Variants in ZNF540 observed in about 807,000 individuals in gnomAD.
ZNF540 encodes CTD-3064H18.6.
A neutral mutation model predicts 11.8 loss-of-function variants in ZNF540; 3 were observed. The observed-to-expected ratio is 0.25, with a 90% CI of 0.12 to 0.65. The LOEUF (loss-of-function observed/expected upper bound fraction) is 0.65, where lower values mean the gene tolerates loss of function less well. Among genes scored for constraint, ZNF540 ranks in the 30% least tolerant of loss-of-function variants. ZNF540 has a pLI of 0.83. For missense variants in ZNF540, 709 were observed against 793.1 expected, an observed-to-expected ratio of 0.89 and a Z score of 1.27; for synonymous variants, 247 against 259.0, an observed-to-expected ratio of 0.95 and a Z score of 0.45.
chr19:37,584,280 T>C, intron 1 of ZNF540: 1 of 672,942 alleles, frequency 1.5e-6, no homozygotes, highest in Admixed American at 3.1e-5. Context: ...ACTTCCTCTG[T>C]ACAATAGAAC....
chr19:37,585,863 G>A (rs998309872), intron 1 of ZNF540: 1 of 152,098 alleles, frequency 6.6e-6, no homozygotes, highest in Non-Finnish European at 1.5e-5. Flanking sequence ...GAGGGAGGCA[G>A]GTGAGTAAAA....
At chr19:37,572,025 AT>A in intron 1 of ZNF540, among the ~76,000 whole-genome samples, 1 of 8,322 alleles carries the variant, frequency 1.2e-4, no homozygotes, top group African/African-American at 6.2e-4. Flanking sequence ...TAATTAGTAC[AT>A]TAGTCCTATC....
At chr19:37,608,278 C>A (rs566331980) in intron 4 of ZNF540, among the ~76,000 whole-genome samples, 2 of 152,288 alleles carry the variant, frequency 1.3e-5, no homozygotes, top group East Asian at 3.9e-4. Context: ...CTTGTCACAT[C>A]TTCAAGTGCA....
chr19:37,565,562 A>C (rs1372649143), intron 1 of ZNF540: 3 of 1,613,350 alleles, frequency 1.9e-6, no homozygotes, highest in African/African-American at 1.3e-5. Flanking sequence ...AGAGCCAAGA[A>C]TAAAGGCCTT....
chr19:37,565,836 TAC>T, intron 1 of ZNF540: 1 of 1,613,870 alleles, frequency 6.2e-7, no homozygotes, highest in Non-Finnish European at 8.5e-7. Context: ...CCACATTCCA[TAC>T]ACTCATAAGG....
intron 1 of ZNF540, among the ~76,000 whole-genome samples, chr19:37,582,841 CCT>C: frequency 6.6e-6 from 1 of 152,276 alleles, no homozygotes; most frequent in African/African-American, 2.4e-5. Context: ...CTGAACTAGT[CCT>C]CTCATTAGTC....
chr19:37,600,960 T>C (rs778913396), intron 3 of ZNF540, 50 bp from the exon 4 acceptor site: 4 of 1,434,022 alleles, frequency 2.8e-6, no homozygotes, highest in Middle Eastern at 2.0e-4. Flanking sequence ...TGTTTCTGAA[T>C]GTGCAATGTT....
At chr19:37,603,355 A>G (rs1213401997) in intron 4 of ZNF540, among the ~76,000 whole-genome samples, 1 of 152,166 alleles carries the variant, frequency 6.6e-6, no homozygotes, top group Non-Finnish European at 1.5e-5. Flanking sequence ...TAGAAAGGGG[A>G]AAAATTGTAG....
At chr19:37,554,100 TAGTG>T (rs2042635991) in intron 1 of ZNF540, among the ~76,000 whole-genome samples, 1 of 152,322 alleles carries the variant, frequency 6.6e-6, no homozygotes, top group South Asian at 2.1e-4. Flanking sequence ...GCCACCCACA[TAGTG>T]AGCATAGTAG....
At chr19:37,564,582 C>T (rs1441594585) in intron 1 of ZNF540, 3 of 1,454,506 alleles carry the variant, frequency 2.1e-6, no homozygotes, top group South Asian at 1.7e-5. Context: ...TAAATTTAAT[C>T]ACATTCAAGG....
At position 37,586,507 on chromosome 19, in the gene ZNF540, A is replaced by G. The variant is rs2043678380; in HGVS notation, c.-72-11869A>G. 4.1e-6 allele frequency: 3 copies of G among 725,386 alleles called. No individual in the cohort carries two copies. In the Admixed American group the frequency reaches 7.4e-5, roughly 18 times the overall value. The allele number at this position is 725,386 out of a possible 1,614,324, so 44.9% of individuals were successfully genotyped here. A position where few individuals can be genotyped will look rare whatever the true frequency, so the allele number is the denominator to read the frequency against. On this transcript the variant is annotated intron_variant, in intron 1 of 4. Coordinates refer to the ZNF540 transcript ENST00000592533. Reference sequence around the variant, plus strand: ...GTTTGGAGAGGGGAAAAGCATTGAGAAGAATTGGGCTCTTTGCTACTATTA... The same window carrying G: ...GTTTGGAGAGGGGAAAAGCATTGAGGAGAATTGGGCTCTTTGCTACTATTA...
intron 1 of ZNF540, chr19:37,555,429 T>C (rs111694872): frequency 0.17 from 27,303 of 159,684 alleles, 2,619 homozygotes; most frequent in Middle Eastern, 0.3. Flanking sequence ...AAACCAATTT[T>C]ATATACAAGG....
rs1378216458 is a variant in ZNF540, at chr19:37,611,907, T to A, written c.627T>A (p.His209Gln). Residue 209 changes from histidine (H) to glutamine (Q), a missense_variant, in exon 5 of 5, where the codon CAT becomes CAA. His to Gln is a conservative substitution (Grantham distance 24). Transcript: ENST00000316433. Reference protein sequence around the residue: ...VYQLTLHQKIHTGEKSCKCEK... With the variant: ...VYQLTLHQKIQTGEKSCKCEK... ...AGCTTACTCTCCATCAGAAAATTCA[T>A]ACTGGTGAAAAATCCTGTAAATGTG... 9 of 1,613,788 alleles carry A rather than the reference T, an allele frequency of 5.6e-6. No individual in the cohort carries two copies. The East Asian group carries it at 2.0e-4, about 36-fold the overall frequency.
intron 3 of ZNF540, among the ~76,000 whole-genome samples, chr19:37,600,674 T>C (rs1042361908): frequency 6.6e-6 from 1 of 152,126 alleles, no homozygotes; most frequent in African/African-American, 2.4e-5. Flanking sequence ...CATTAGTCAA[T>C]AGGTAGTAGA....
intron 1 of ZNF540, among the ~76,000 whole-genome samples, chr19:37,584,563 T>C (rs1325576496): frequency 6.6e-6 from 1 of 152,202 alleles, no homozygotes; most frequent in South Asian, 2.1e-4. Flanking sequence ...AACCTAAGAA[T>C]TTTTTGAAGA....
At chr19:37,561,654 C>G (rs754172415) in intron 1 of ZNF540, among the ~76,000 whole-genome samples, 4 of 152,126 alleles carry the variant, frequency 2.6e-5, no homozygotes, top group Non-Finnish European at 5.9e-5. Flanking sequence ...GAGGTAGAAC[C>G]CGCTCTACGT....
Position 37,569,368 on chromosome 19 carries a change from C to T in ZNF540, c.-73+17703C>T, listed in dbSNP as rs574914172. 1.3e-5 allele frequency among the ~76,000 whole-genome samples: 2 copies of T among 152,198 alleles called. No homozygotes were observed. The highest frequency in any genetic ancestry group is 4.8e-5 in the African/African-American group (2 of 41,528). On this transcript the variant is annotated intron_variant, in intron 1 of 4. Coordinates refer to the ZNF540 transcript ENST00000592533. The surrounding 1 kb of genome is among the most constrained non-coding windows in gnomAD (Gnocchi z 4.4). ...TAAATATGAAAATCACATTATGTCA[C>T]CATCTTAAGATTTTTCAATAGCCTG...
At chr19:37,595,654 G>A (rs181941152) in intron 1 of ZNF540, among the ~76,000 whole-genome samples, 4 of 152,318 alleles carry the variant, frequency 2.6e-5, no homozygotes, top group South Asian at 2.1e-4. Context: ...TGTAAAGTGA[G>A]GGTGTCAGTC....
At chr19:37,577,902 T>C (rs1328182361) in intron 1 of ZNF540, among the ~76,000 whole-genome samples, 1 of 152,130 alleles carries the variant, frequency 6.6e-6, no homozygotes, top group Admixed American at 6.5e-5. Flanking sequence ...CCACAGACCG[T>C]ACTGTTTGGC....
Sources: gnomAD v4.1 joint callset for allele counts (sites outside exome capture counted in the v4.1 genomes callset) on GRCh38, gnomAD v4.1.1 for gene constraint, Gnocchi (gnomAD v3.1) non-coding constraint, MANE v1.5 for transcripts, NCBI Gene and HGNC (gene_info 2026-07-23, HGNC 2026-07-21) for gene names.